UBE2G1: variants seen among roughly 807,000 people sequenced by gnomAD.
UBE2G1 encodes ubiquitin-conjugating enzyme E2 G1.
In UBE2G1, 5 loss-of-function variants were observed where a neutral mutation model predicts 22.7. That is an observed-to-expected ratio of 0.22 (90% CI 0.12 to 0.46). UBE2G1 has a LOEUF of 0.46. Ranked by LOEUF, UBE2G1 falls within the 20% of genes least tolerant of loss-of-function variation. UBE2G1 has a pLI of 0.99. For missense variants in UBE2G1, 88 were observed against 203.9 expected, an observed-to-expected ratio of 0.43 and a Z score of 3.46; for synonymous variants, 74 against 67.5, an observed-to-expected ratio of 1.10 and a Z score of -0.47.
chr17:4,292,336 CAAACCA>C (rs767556749), intron 3 of UBE2G1, among the ~76,000 whole-genome samples: 209 of 146,142 alleles, frequency 1.4e-3, no homozygotes, highest in Non-Finnish European at 2.6e-3. Context: ...AAAAAAAACC[CAAACCA>C]AAACCAAACA....
At chr17:4,325,101 A>G (rs1182853733) in intron 1 of UBE2G1, among the ~76,000 whole-genome samples, 2 of 151,826 alleles carry the variant, frequency 1.3e-5, no homozygotes, top group African/African-American at 4.9e-5. Flanking sequence ...AACAAACAAA[A>G]AAAACAAAAA....
intron 1 of UBE2G1, among the ~76,000 whole-genome samples, chr17:4,351,179 CTGGGGGG>C (rs918325873): frequency 3.5e-5 from 5 of 142,942 alleles, no homozygotes; most frequent in Admixed American, 2.1e-4. Context: ...CTCACGGGGG[CTGGGGGG>C]TGGGGGAAAG....
At chr17:4,330,071 C>T (rs1969553024) in intron 1 of UBE2G1, among the ~76,000 whole-genome samples, 1 of 151,778 alleles carries the variant, frequency 6.6e-6, no homozygotes, top group Admixed American at 6.6e-5. Flanking sequence ...ACACGTATGA[C>T]GTAAAAGACT....
Position 4,347,768 on chromosome 17 carries a change from G to A in UBE2G1, c.46+18503C>T, listed in dbSNP as rs147422499. Among the ~76,000 whole-genome samples, 491 of 152,132 alleles carry A rather than the reference G, an allele frequency of 3.2e-3. 1 individual carries two copies. Among genetic ancestry groups the A allele is most frequent in the Non-Finnish European group, 5.5e-3 (373 of 68,004 alleles). ...ACAGGATAAAGGCGTGAGCCACCGC[G>A]CCTGGCCAGTTTTTTTCATTATTAC... On this transcript the variant is annotated intron_variant, in intron 1 of 5. Coordinates refer to ENST00000396981, the MANE Select transcript of UBE2G1 (RefSeq NM_003342.5).
chr17:4,305,079 A>G (rs1969233705), intron 2 of UBE2G1, among the ~76,000 whole-genome samples: 1 of 151,192 alleles, frequency 6.6e-6, no homozygotes, highest in African/African-American at 2.4e-5. Flanking sequence ...CAGCCTCCCG[A>G]GTAGCTGGGA....
At chr17:4,302,407 G>A (rs777431507) in intron 2 of UBE2G1, 4 of 506,864 alleles carry the variant, frequency 7.9e-6, no homozygotes, top group Non-Finnish European at 1.6e-5. Flanking sequence ...TTCATCGCTT[G>A]CCTGTGCATT....
At chr17:4,282,771 A>G (rs563333652) in intron 5 of UBE2G1, 27 bp downstream of exon 5, 251 of 1,476,840 alleles carry the variant, frequency 1.7e-4, no homozygotes, top group Non-Finnish European at 2.2e-4. Flanking sequence ...CAAAAAAACA[A>G]AAGTATGATA....
intron 1 of UBE2G1, chr17:4,364,565 G>C (rs913526640): frequency 2.7e-5 from 4 of 150,470 alleles, no homozygotes; most frequent in Admixed American, 1.3e-4. Context: ...TGGGATTACA[G>C]GTGTGAGCCA....
intron 1 of UBE2G1, among the ~76,000 whole-genome samples, chr17:4,308,012 C>G (rs565695458): frequency 6.6e-6 from 1 of 152,248 alleles, no homozygotes; most frequent in African/African-American, 2.4e-5. Context: ...AATTTTTAAA[C>G]AACTTTAATG....
At chr17:4,344,501 C>G (rs1403344526) in intron 1 of UBE2G1, among the ~76,000 whole-genome samples, 1 of 151,442 alleles carries the variant, frequency 6.6e-6, no homozygotes, top group Non-Finnish European at 1.5e-5. Context: ...GATTGCGCCA[C>G]TGCACTCCAG....
chr17:4,277,275 C>T (rs1322672399), intron 5 of UBE2G1, among the ~76,000 whole-genome samples: 2 of 152,142 alleles, frequency 1.3e-5, no homozygotes, highest in South Asian at 2.1e-4. Context: ...ATGAGAGACC[C>T]GGAGTCAACC....
intron 1 of UBE2G1, among the ~76,000 whole-genome samples, chr17:4,365,862 G>A (rs1407604763): frequency 1.3e-5 from 2 of 152,110 alleles, no homozygotes; most frequent in African/African-American, 2.4e-5. Flanking sequence ...ACTCGCAGCC[G>A]CACTGGGTCC....
In UBE2G1 at chr17:4,365,645, G is replaced by A. The variant is rs1156700896; in HGVS notation, c.46+626C>T. Among the ~76,000 whole-genome samples, 4 of 152,198 alleles carry A rather than the reference G, an allele frequency of 2.6e-5. No individual in the cohort carries two copies. The East Asian group carries it at 7.7e-4, about 29-fold the overall frequency. ...CAGCCGGGCGGCGCAGCCGGAGCCC[G>A]TGCCAGGCGGAGGCAGGCGAGGCGG... On this transcript the variant is annotated intron_variant, in intron 1 of 5. Coordinates refer to ENST00000396981, the MANE Select transcript of UBE2G1 (RefSeq NM_003342.5).
chr17:4,337,986 T>C (rs1969668478), intron 1 of UBE2G1, among the ~76,000 whole-genome samples: 2 of 151,882 alleles, frequency 1.3e-5, no homozygotes, highest in Non-Finnish European at 2.9e-5. Flanking sequence ...CTGGCTAACA[T>C]GGTGAAAACC....
intron 2 of UBE2G1, chr17:4,301,718 C>G (rs1030851223): frequency 8.9e-6 from 6 of 672,128 alleles, no homozygotes; most frequent in Non-Finnish European, 1.7e-5. Flanking sequence ...ATTTGAAAGA[C>G]TTGTGTTTGG....
chr17:4,336,658 C>G (rs1251085486), intron 1 of UBE2G1, among the ~76,000 whole-genome samples: 2 of 152,080 alleles, frequency 1.3e-5, no homozygotes, highest in Admixed American at 6.6e-5. Flanking sequence ...TCCAAAGTAG[C>G]TGGGATTACA....
chr17:4,285,384 A>C (rs1968950301), intron 4 of UBE2G1, among the ~76,000 whole-genome samples: 1 of 152,192 alleles, frequency 6.6e-6, no homozygotes, highest in Non-Finnish European at 1.5e-5. Context: ...ATAGTAAAAT[A>C]TAAATTCTAT....
intron 1 of UBE2G1, among the ~76,000 whole-genome samples, chr17:4,336,293 C>T (rs1300026334): frequency 1.3e-5 from 2 of 151,982 alleles, no homozygotes; most frequent in Non-Finnish European, 2.9e-5. Context: ...AACCTTTATC[C>T]AACTACAAGG....
At chr17:4,327,790 G>T (rs940306520) in intron 1 of UBE2G1, among the ~76,000 whole-genome samples, 1 of 152,090 alleles carries the variant, frequency 6.6e-6, no homozygotes, top group Admixed American at 6.6e-5. Context: ...AGCCTTCGAC[G>T]TGGCCCACAC....
Sources: allele counts gnomAD v4.1 joint callset (sites outside exome capture counted in the v4.1 genomes callset), GRCh38; gene constraint gnomAD v4.1.1; transcripts MANE v1.5; gene names NCBI Gene and HGNC (gene_info 2026-07-23, HGNC 2026-07-21).